CADM2: variants seen among roughly 807,000 people sequenced by gnomAD.
CADM2 encodes immunoglobulin superfamily member 4D.
A neutral mutation model predicts 49.8 loss-of-function variants in CADM2; 12 were observed. The observed-to-expected ratio is 0.24, with a 90% CI of 0.15 to 0.39. The LOEUF (loss-of-function observed/expected upper bound fraction) is 0.39, where lower values mean the gene tolerates loss of function less well. CADM2 is among the 10% of genes least tolerant of loss of function. CADM2 has a pLI of 1.00. For missense variants in CADM2, 378 were observed against 492.3 expected (o/e 0.77, Z 2.20); for synonymous variants, 214 against 175.4 (o/e 1.22, Z -1.74).
intron 3 of CADM2, among the ~76,000 whole-genome samples, chr3:85,881,627 G>T (rs1370160143): frequency 6.6e-6 from 1 of 152,098 alleles, no homozygotes; most frequent in South Asian, 2.1e-4. Flanking sequence ...ATTTGGACAG[G>T]TTGATTTGTC....
intron 1 of CADM2, among the ~76,000 whole-genome samples, chr3:85,327,280 CAG>C (rs2044779610): frequency 6.6e-6 from 1 of 151,740 alleles, no homozygotes; most frequent in African/African-American, 2.4e-5. Context: ...TATTTAGAGA[CAG>C]ATTCTCAGTG....
At chr3:85,695,500 A>G (rs2066522608) in intron 1 of CADM2, among the ~76,000 whole-genome samples, 1 of 151,918 alleles carries the variant, frequency 6.6e-6, no homozygotes, top group Non-Finnish European at 1.5e-5. Context: ...CTCCAGTTCC[A>G]TCCAATTTGC....
chr3:85,759,310 A>G (rs2069264453), intron 2 of CADM2, among the ~76,000 whole-genome samples: 1 of 152,142 alleles, frequency 6.6e-6, no homozygotes, highest in Non-Finnish European at 1.5e-5. Context: ...TTTCAAGCAT[A>G]GAATGAAAAG....
At chr3:85,629,779 A>G (rs1435854088) in intron 1 of CADM2, among the ~76,000 whole-genome samples, 14 of 152,020 alleles carry the variant, frequency 9.2e-5, no homozygotes, top group Admixed American at 5.3e-4. Flanking sequence ...TGTATACACA[A>G]TAGGCCCACA....
At chr3:85,078,601 GTC>G (rs2037040537) in intron 1 of CADM2, among the ~76,000 whole-genome samples, 1 of 151,640 alleles carries the variant, frequency 6.6e-6, no homozygotes, top group Admixed American at 6.6e-5. Flanking sequence ...CCCAGAAACT[GTC>G]TTCCAATTTT....
intron 1 of CADM2, among the ~76,000 whole-genome samples, chr3:85,097,317 A>G (rs1156378104): frequency 6.6e-6 from 1 of 152,164 alleles, no homozygotes; most frequent in Non-Finnish European, 1.5e-5. Context: ...TGTCCCTACA[A>G]AGGACATGAA....
chr3:85,002,546 G>A (rs1463753412), intron 1 of CADM2, among the ~76,000 whole-genome samples: 1 of 152,028 alleles, frequency 6.6e-6, no homozygotes, highest in Non-Finnish European at 1.5e-5. Flanking sequence ...TTTCAACTAT[G>A]GATTACTTAG....
intron 1 of CADM2, among the ~76,000 whole-genome samples, chr3:85,713,958 G>T (rs910227790): frequency 2.0e-5 from 3 of 152,096 alleles, no homozygotes; most frequent in Non-Finnish European, 2.9e-5. Context: ...TATTTGATAC[G>T]GTGGCTTTAT....
chr3:85,245,788 G>C (rs1474297533), intron 1 of CADM2, among the ~76,000 whole-genome samples: 8 of 152,088 alleles, frequency 5.3e-5, no homozygotes, highest in Non-Finnish European at 1.5e-5. Context: ...ACTTCCACAT[G>C]CCAAGTAGTG....
At chr3:85,823,760 C>G (rs1440085139) in intron 3 of CADM2, among the ~76,000 whole-genome samples, 1 of 152,050 alleles carries the variant, frequency 6.6e-6, no homozygotes, top group Non-Finnish European at 1.5e-5. Context: ...TGTATCTGAA[C>G]TGAAAAAGTG....
At chr3:85,543,420 A>ATGTGTGTGGGGGGGTGTGTGTG (rs372108050) in intron 1 of CADM2, among the ~76,000 whole-genome samples, 136 of 129,638 alleles carry the variant, frequency 1.0e-3, no homozygotes, top group East Asian at 5.3e-3. Context: ...TGCCAAGCTA[A>ATGTGTGTGGGGGGGTGTGTGTG]TGTGTGTGTG....
At chr3:85,476,847 A>T (rs1344836137) in intron 1 of CADM2, among the ~76,000 whole-genome samples, 1 of 151,768 alleles carries the variant, frequency 6.6e-6, no homozygotes, top group South Asian at 2.1e-4. Flanking sequence ...ATCTTTAAAC[A>T]TACCAATAAG....
chr3:85,908,458 TAGAA>T (rs1302482114), intron 5 of CADM2, among the ~76,000 whole-genome samples: 1 of 151,786 alleles, frequency 6.6e-6, no homozygotes, highest in Non-Finnish European at 1.5e-5. Flanking sequence ...TAAAAACTAA[TAGAA>T]AGTCCTTTAT....
Position 85,990,305 on chromosome 3 carries a change from G to A in CADM2, c.970+28658G>A, listed in dbSNP as rs563157385. ...TTATTATAAGATAAGCTTTGGGTTA[G>A]ATCATTTTGCCTAACTGTAGGCTAA... On this transcript the variant is annotated intron_variant, in intron 8 of 9. Transcript: ENST00000383699. Among the ~76,000 whole-genome samples the A allele has an allele frequency of 1.5e-3, 230 of 152,252 alleles. 2 individuals are homozygous for A. Among genetic ancestry groups the A allele is most frequent in the African/African-American group, 5.5e-3 (228 of 41,568 alleles).
At chr3:85,287,003 A>G (rs2043649258) in intron 1 of CADM2, among the ~76,000 whole-genome samples, 1 of 152,196 alleles carries the variant, frequency 6.6e-6, no homozygotes, top group African/African-American at 2.4e-5. Context: ...CACAAAATAT[A>G]TTGTTAGTTT....
intron 1 of CADM2, among the ~76,000 whole-genome samples, chr3:85,207,442 A>G (rs952404109): frequency 6.6e-6 from 1 of 152,148 alleles, no homozygotes; most frequent in Non-Finnish European, 1.5e-5. Flanking sequence ...TATTTTGCAT[A>G]TATATTTATA....
chr3:85,217,715 A>C (rs952823384), intron 1 of CADM2, among the ~76,000 whole-genome samples: 2 of 152,212 alleles, frequency 1.3e-5, no homozygotes, highest in South Asian at 4.1e-4. Flanking sequence ...CCATGAATGT[A>C]ATACTTCCAA....
At chr3:85,413,865 A>T (rs1248844043) in intron 1 of CADM2, among the ~76,000 whole-genome samples, 1 of 150,770 alleles carries the variant, frequency 6.6e-6, no homozygotes, top group Non-Finnish European at 1.5e-5. Flanking sequence ...CTGGCTAGCT[A>T]TTTTAATTTT....
At chr3:84,978,218 GTCTTT>G (rs1390508525) in intron 1 of CADM2, among the ~76,000 whole-genome samples, 2 of 152,022 alleles carry the variant, frequency 1.3e-5, no homozygotes, top group Non-Finnish European at 2.9e-5. Context: ...TATGTTTTCT[GTCTTT>G]TCTTTACTAG....
Sources: allele counts gnomAD v4.1 joint callset (sites outside exome capture counted in the v4.1 genomes callset), GRCh38; gene constraint gnomAD v4.1.1; transcripts MANE v1.5; gene names NCBI Gene and HGNC (gene_info 2026-07-23, HGNC 2026-07-21).